The following GRM5 variants were observed in gnomAD, a reference collection of about 807,000 sequenced individuals.
GRM5 encodes glutamate metabotropic receptor 5, also known as metabotropic glutamate receptor 5.
GRM5 carries 19 observed loss-of-function variants against 83.1 expected under a neutral mutation model. The observed-to-expected ratio is 0.23, with a 90% CI of 0.16 to 0.34. The LOEUF (loss-of-function observed/expected upper bound fraction) is 0.34, where lower values mean the gene tolerates loss of function less well. Among genes scored for constraint, GRM5 ranks in the 10% least tolerant of loss-of-function variants. The pLI is 1.00. For missense variants in GRM5, 1,160 were observed against 1,588.3 expected, an observed-to-expected ratio of 0.73 and a Z score of 4.58; for synonymous variants, 675 against 633.6, an observed-to-expected ratio of 1.07 and a Z score of -0.98.
In GRM5 at chr11:89,028,272, G is replaced by GT. The variant is rs371567840; in HGVS notation, c.661+18939dup. Among the ~76,000 whole-genome samples, 807 of 152,124 alleles carry GT rather than the reference G, an allele frequency of 5.3e-3. 2 individuals carry two copies. The highest frequency in any genetic ancestry group is 0.015 in the African/African-American group (628 of 41,496). On this transcript the variant is annotated intron_variant, in intron 2 of 9. Coordinates refer to ENST00000305447, the MANE Select transcript of GRM5 (RefSeq NM_001143831.3). ...GCACTTATCCCAATTTTTATTACCT[G>GT]TTTTTTTAACAATTTAAGTATCAAA...
chr11:88,597,592 T>C (rs796551174), intron 5 of GRM5, among the ~76,000 whole-genome samples: 2 of 152,200 alleles, frequency 1.3e-5, no homozygotes, highest in African/African-American at 4.8e-5. Context: ...AGAAGGTGAC[T>C]TGACCCCAGC....
chr11:88,529,111 T>A (rs1941948836), intron 8 of GRM5, among the ~76,000 whole-genome samples: 1 of 152,064 alleles, frequency 6.6e-6, no homozygotes, highest in African/African-American at 2.4e-5. Flanking sequence ...GGACTTTAAA[T>A]TTTGTTACTT....
intron 1 of GRM5, among the ~76,000 whole-genome samples, chr11:89,062,297 C>T (rs1163115342): frequency 2.6e-5 from 4 of 152,204 alleles, no homozygotes; most frequent in Admixed American, 6.5e-5. Flanking sequence ...CCTGAACACT[C>T]CACAGCTGAC....
chr11:88,704,111 G>T (rs2135376448), intron 3 of GRM5, among the ~76,000 whole-genome samples: 1 of 152,054 alleles, frequency 6.6e-6, no homozygotes, highest in Middle Eastern at 3.4e-3. Flanking sequence ...GAGATGTCTT[G>T]TCTCTTTCTC....
chr11:89,016,956 A>G (rs6482996), intron 2 of GRM5, among the ~76,000 whole-genome samples: 8,063 of 152,200 alleles, frequency 0.053, 705 homozygotes, highest in African/African-American at 0.18. Flanking sequence ...AAGAAAAGCT[A>G]TACATTTTAA....
chr11:88,729,627 T>C (rs1378779610), intron 3 of GRM5, among the ~76,000 whole-genome samples: 2 of 152,154 alleles, frequency 1.3e-5, no homozygotes, highest in East Asian at 1.9e-4. Flanking sequence ...CTACAAGCTA[T>C]ACTACAAGGC....
At chr11:88,534,574 T>C (rs1320169223) in intron 8 of GRM5, among the ~76,000 whole-genome samples, 1 of 152,200 alleles carries the variant, frequency 6.6e-6, no homozygotes, top group African/African-American at 2.4e-5. Flanking sequence ...CTAACTTGCT[T>C]TTGATTTTAC....
chr11:88,654,064 T>A (rs1939706371), intron 3 of GRM5, among the ~76,000 whole-genome samples: 1 of 152,096 alleles, frequency 6.6e-6, no homozygotes, highest in African/African-American at 2.4e-5. Flanking sequence ...AAATCACATT[T>A]TATATTAGAG....
chr11:88,520,086 C>A (rs1355054205), intron 9 of GRM5, among the ~76,000 whole-genome samples: 3 of 152,124 alleles, frequency 2.0e-5, no homozygotes, highest in African/African-American at 7.2e-5. Context: ...CCCTGATCCT[C>A]ATTTTCCTGT....
chr11:88,738,240 TAAG>T (rs1941959894), intron 3 of GRM5, among the ~76,000 whole-genome samples: 2 of 152,168 alleles, frequency 1.3e-5, no homozygotes, highest in Admixed American at 6.6e-5. Context: ...ACTGGTAACT[TAAG>T]AAACACATTT....
chr11:88,576,907 G>A (rs1223367802), intron 7 of GRM5, among the ~76,000 whole-genome samples: 2 of 152,054 alleles, frequency 1.3e-5, no homozygotes, highest in Non-Finnish European at 2.9e-5. Context: ...CCAGACCCTT[G>A]TCAAGATCCC....
chr11:88,637,561 C>T (rs12421412), intron 4 of GRM5, among the ~76,000 whole-genome samples: 8,187 of 149,266 alleles, frequency 0.055, 422 homozygotes, highest in African/African-American at 0.15. Flanking sequence ...AAAATGCTCA[C>T]CATCACTGGC....
At chr11:89,025,042 GGT>G (rs1330987432) in intron 2 of GRM5, among the ~76,000 whole-genome samples, 2 of 152,174 alleles carry the variant, frequency 1.3e-5, no homozygotes, top group East Asian at 3.8e-4. Flanking sequence ...CTGAAAATTA[GGT>G]GTGGTAAGAA....
chr11:88,834,558 C>T lies in GRM5; in HGVS notation c.911+15348G>A, dbSNP rs1310111787. ...GAAGAAACTACATCTATTTTCCCTG[C>T]CTTTGAAAGGAAATAAAACCTACGA... On this transcript the variant is annotated intron_variant, in intron 3 of 9. Coordinates refer to ENST00000305447, the MANE Select transcript of GRM5 (RefSeq NM_001143831.3). 4.5e-4 allele frequency among the ~76,000 whole-genome samples: 68 copies of T among 151,956 alleles called. 1 individual carries two copies. Among genetic ancestry groups the T allele is most frequent in the Non-Finnish European group, 3.2e-4 (22 of 68,016 alleles).
chr11:88,549,711 T>C (rs995552098), intron 8 of GRM5, among the ~76,000 whole-genome samples: 7 of 151,992 alleles, frequency 4.6e-5, no homozygotes, highest in Admixed American at 6.6e-5. Context: ...GACTGGTGGC[T>C]GGATCCAAGG....
intron 2 of GRM5, among the ~76,000 whole-genome samples, chr11:88,868,469 G>C (rs1366638150): frequency 6.6e-6 from 1 of 151,656 alleles, no homozygotes; most frequent in African/African-American, 2.4e-5. Context: ...TATAAATAAG[G>C]CTAGAGTAGT....
intron 2 of GRM5, among the ~76,000 whole-genome samples, chr11:88,900,846 T>G (rs1176965149): frequency 1.3e-5 from 2 of 152,076 alleles, no homozygotes; most frequent in Non-Finnish European, 2.9e-5. Context: ...TTTAGCCCAG[T>G]CTTGTTTGGG....
intron 2 of GRM5, among the ~76,000 whole-genome samples, chr11:88,954,428 T>A (rs1565308036): frequency 6.6e-6 from 1 of 152,180 alleles, no homozygotes; most frequent in African/African-American, 2.4e-5. Context: ...AATGTTATTA[T>A]TCTTATCACA....
At chr11:88,669,269 C>T (rs1222978557) in intron 3 of GRM5, among the ~76,000 whole-genome samples, 7 of 152,012 alleles carry the variant, frequency 4.6e-5, no homozygotes, top group Admixed American at 4.6e-4. Flanking sequence ...TTAAAGAAAA[C>T]GTGACAAATT....
Sources: allele counts gnomAD v4.1 joint callset (sites outside exome capture counted in the v4.1 genomes callset), GRCh38; gene constraint gnomAD v4.1.1; transcripts MANE v1.5; gene names NCBI Gene and HGNC (gene_info 2026-07-23, HGNC 2026-07-21).